CLYBL: variants seen among roughly 807,000 people sequenced by gnomAD.
CLYBL encodes the protein citramalyl-CoA lyase, mitochondrial.
CLYBL carries 31 observed loss-of-function variants against 38.9 expected under a neutral mutation model. The ratio of observed to expected loss-of-function variants is 0.80; its 90% CI spans 0.60 to 1.08. The LOEUF is 1.08. Among genes scored for constraint, CLYBL ranks in the 50% least tolerant of loss-of-function variants. The probability of loss-of-function intolerance (pLI) is 0.00; values close to 1 mark genes in which losing one functional copy is unlikely to be tolerated. For synonymous variants in CLYBL, 171 were observed against 158.6 expected, an observed-to-expected ratio of 1.08 and a Z score of -0.59; for missense variants, 434 against 411.6, an observed-to-expected ratio of 1.05 and a Z score of -0.47.
At chr13:99,666,036 T>A (rs2047476498) in intron 1 of CLYBL, among the ~76,000 whole-genome samples, 1 of 152,162 alleles carries the variant, frequency 6.6e-6, no homozygotes, top group Non-Finnish European at 1.5e-5. Flanking sequence ...AGGGTTTCAC[T>A]TGGAGGAGCT....
intron 7 of CLYBL, among the ~76,000 whole-genome samples, chr13:99,889,642 G>A (rs186017663): frequency 1.7e-3 from 263 of 152,312 alleles, no homozygotes; most frequent in Non-Finnish European, 2.6e-3. Flanking sequence ...AGGCTGAAAA[G>A]GTTGGCCACT....
intron 1 of CLYBL, among the ~76,000 whole-genome samples, chr13:99,707,498 T>A (rs1025569578): frequency 1.3e-5 from 2 of 152,172 alleles, no homozygotes; most frequent in East Asian, 3.8e-4. Context: ...GATCTCGAAC[T>A]CCTGACCTCG....
intron 1 of CLYBL, among the ~76,000 whole-genome samples, chr13:99,772,258 C>CA (rs2049411567): frequency 6.6e-6 from 1 of 152,178 alleles, no homozygotes; most frequent in Admixed American, 6.5e-5. Context: ...GAAATACATA[C>CA]ACCCTCCTCT....
At chr13:99,862,575 C>CTGA (rs2051631721) in intron 3 of CLYBL, among the ~76,000 whole-genome samples, 1 of 152,202 alleles carries the variant, frequency 6.6e-6, no homozygotes, top group Non-Finnish European at 1.5e-5. Context: ...AACAGTTGCA[C>CTGA]TGATGTCAGT....
chr13:99,891,343 T>C lies in CLYBL; in HGVS notation c.953T>C (p.Met318Thr). ...GGGGCCTTTACTTTCCAAGGGAGTA[T>C]GATCGACATGCCATTACTGAAGCAG... ...GKGAFTFQGS[M>T]IDMPLLKQAQ... Residue 318 changes from methionine to threonine, a missense_variant, in exon 8 of 9, where the codon ATG (methionine) becomes ACG (threonine). Transcript: ENST00000339105. 3.1e-6 allele frequency: 5 copies of C among 1,613,846 alleles called. No individual in the cohort carries two copies. The highest frequency in any genetic ancestry group is 3.4e-6 in the Non-Finnish European group (4 of 1,179,748).
At chr13:99,818,446 AACACAC>A (rs57249330) in intron 2 of CLYBL, among the ~76,000 whole-genome samples, 19,196 of 143,226 alleles carry the variant, frequency 0.13, 1,550 homozygotes, top group East Asian at 0.4. Context: ...TGGAGCAGAA[AACACAC>A]ACACACACAC....
chr13:99,747,789 C>A (rs973398001), intron 1 of CLYBL, among the ~76,000 whole-genome samples: 1 of 152,100 alleles, frequency 6.6e-6, no homozygotes, highest in Non-Finnish European at 1.5e-5. Context: ...CCTTAGGAGG[C>A]CTTCCTTAGC....
At chr13:99,705,444 G>A (rs1187428964) in intron 1 of CLYBL, among the ~76,000 whole-genome samples, 1 of 152,142 alleles carries the variant, frequency 6.6e-6, no homozygotes, top group African/African-American at 2.4e-5. Context: ...GCCAGGTGTG[G>A]TGGCACATGC....
chr13:99,700,430 G>GA (rs2048047805), intron 1 of CLYBL, among the ~76,000 whole-genome samples: 1 of 152,294 alleles, frequency 6.6e-6, no homozygotes, highest in Admixed American at 6.5e-5. Flanking sequence ...GGCAACAAGA[G>GA]AAAAACTCCA....
rs942889933 is a variant in CLYBL at position 99,904,055 on chromosome 13, A to AC, written c.*25-1215_*25-1214insC. Among the ~76,000 whole-genome samples, 3 of 150,380 alleles carry AC rather than the reference A, an allele frequency of 2.0e-5. 1 individual carries two copies. Among genetic ancestry groups the AC allele is most frequent in the Non-Finnish European group, 4.4e-5 (3 of 67,678 alleles). ...GTGAGACCCCTCTCTTAAAAAAAAA[A>AC]ACAAAAACAAAAAAACCCCACACCT... On this transcript the variant is annotated intron_variant and NMD_transcript_variant, in intron 8 of 9. Transcript: ENST00000689673.
rs1566345696 is a variant in CLYBL at position 99,833,012 on chromosome 13, ATATATATATATATATATATTTTTTTTT to A, written c.250-25847_250-25821del. 4.5e-3 allele frequency among the ~76,000 whole-genome samples: 136 copies of A among 30,372 alleles called. 4 individuals are homozygous for A. Among genetic ancestry groups the A allele is most frequent in the African/African-American group, 0.011 (109 of 9,566 alleles). 19.9% of individuals were successfully genotyped at this position (30,372 alleles called of 152,430 possible). ...AGTATATACATACATACATACATAT[ATATATATATATATATATATTTTTTTTT>A]TTTTTTTTTTTTTTTTTTTGAGATG... On this transcript the variant is annotated intron_variant, in intron 2 of 8. Transcript: ENST00000339105.
downstream of CLYBL, among the ~76,000 whole-genome samples, chr13:99,901,678 G>C (rs1407862587): frequency 3.1e-5 from 4 of 128,878 alleles, no homozygotes; most frequent in Admixed American, 8.2e-5. Context: ...TTGTTTGTTT[G>C]AGATGGAGTC....
chr13:99,735,489 C>G (rs572924287), intron 1 of CLYBL, among the ~76,000 whole-genome samples: 66 of 151,886 alleles, frequency 4.3e-4, no homozygotes, highest in African/African-American at 1.3e-3. Flanking sequence ...AGCCACCACA[C>G]CCAGCATTTT....
intron 1 of CLYBL, among the ~76,000 whole-genome samples, chr13:99,629,786 T>C (rs2046918082): frequency 6.6e-6 from 1 of 152,170 alleles, no homozygotes; most frequent in Non-Finnish European, 1.5e-5. Flanking sequence ...CACGCTCTGG[T>C]CCCTGGGCTC....
rs564945327 is a variant in CLYBL, at chr13:99,832,739, T to C, written c.250-26122T>C. On this transcript the variant is annotated intron_variant, in intron 2 of 8. Coordinates refer to ENST00000339105, the MANE Select transcript of CLYBL (RefSeq NM_206808.5). ...AGGAACTTGGCTTTCATATTATCCA[T>C]TGGTGTCACAGAGTGGGAGGAAAAC... 1.2e-4 allele frequency among the ~76,000 whole-genome samples: 18 copies of C among 151,756 alleles called. No individual in the cohort carries two copies. The East Asian group carries it at 2.7e-3, about 23-fold the overall frequency.
At chr13:99,800,905 A>C (rs1433088418) in intron 2 of CLYBL, among the ~76,000 whole-genome samples, 9 of 132,794 alleles carry the variant, frequency 6.8e-5, no homozygotes, top group African/African-American at 1.6e-4. Flanking sequence ...AAAAAAAAAA[A>C]ACAAAAAAAA....
At position 99,836,876 on chromosome 13, in the gene CLYBL, A is replaced by T. The variant is rs191899484; in HGVS notation, c.250-21985A>T. ...GAACACAGGAAGGGGAACATCACAC[A>T]CCGGGGACTGTTGTGGGGTGGGGGA... is the stretch of plus-strand genomic sequence containing the variant. On this transcript the variant is annotated intron_variant, in intron 2 of 8. Coordinates refer to ENST00000339105, the MANE Select transcript of CLYBL (RefSeq NM_206808.5). Among the ~76,000 whole-genome samples, 180 of 150,742 alleles carry T rather than the reference A, an allele frequency of 1.2e-3. 1 individual carries two copies. Among genetic ancestry groups the T allele is most frequent in the Admixed American group, 8.9e-3 (135 of 15,172 alleles).
At chr13:99,656,001 T>C (rs1392339280) in intron 1 of CLYBL, among the ~76,000 whole-genome samples, 1 of 152,150 alleles carries the variant, frequency 6.6e-6, no homozygotes, top group African/African-American at 2.4e-5. Context: ...AGCCAGCCCT[T>C]TTAAGCCTTC....
intron 2 of CLYBL, among the ~76,000 whole-genome samples, chr13:99,850,459 T>C (rs2051304985): frequency 1.3e-5 from 2 of 152,206 alleles, no homozygotes; most frequent in Non-Finnish European, 2.9e-5. Flanking sequence ...CCATTGAGCA[T>C]GCACATCACA....
Sources: gnomAD v4.1 joint callset for allele counts (sites outside exome capture counted in the v4.1 genomes callset) on GRCh38, gnomAD v4.1.1 for gene constraint, MANE v1.5 for transcripts, NCBI Gene and HGNC (gene_info 2026-07-23, HGNC 2026-07-21) for gene names.